SRGAP2: variants seen among roughly 807,000 people sequenced by gnomAD.
SRGAP2 encodes SLIT-ROBO Rho GTPase activating protein 2.
Under a neutral mutation model 57.2 loss-of-function variants are expected in SRGAP2, and 15 were observed. That is an observed-to-expected ratio of 0.26 (90% CI 0.18 to 0.40). The LOEUF is 0.40. Ranked by LOEUF, SRGAP2 falls within the 10% of genes least tolerant of loss-of-function variation. The pLI is 1.00. For missense variants in SRGAP2, 520 were observed against 669.6 expected (o/e 0.78, Z 2.47); for synonymous variants, 249 against 248.0 (o/e 1.00, Z -0.04).
intron 21 of SRGAP2, among the ~76,000 whole-genome samples, chr1:206,458,127 T>C (rs1279553776): frequency 6.6e-6 from 1 of 152,212 alleles, no homozygotes. Context: ...GCCTACAGAA[T>C]AAGCAACAAC....
intron 1 of SRGAP2, chr1:206,204,165 T>C: frequency 2.4e-6 from 1 of 408,340 alleles, no homozygotes; most frequent in Non-Finnish European, 4.2e-6. Flanking sequence ...CTCCCATCCC[T>C]AGACCACATC....
Position 206,232,243 on chromosome 1 carries a change from T to C in SRGAP2, c.67+26206T>C, listed in dbSNP as rs1469424120. Among the ~76,000 whole-genome samples, 6 of 152,292 alleles carry C rather than the reference T, an allele frequency of 3.9e-5. No individual in the cohort carries two copies. In the East Asian group the frequency reaches 7.7e-4, roughly 20 times the overall value. ...TGGAGAGGTGAGCAAGCAGATAGTC[T>C]GAAGCAAGTAGACAGAACACTCCAG... On this transcript the variant is annotated intron_variant, in intron 2 of 22. Coordinates refer to ENST00000573034, the MANE Select transcript of SRGAP2 (RefSeq NM_015326.5).
At chr1:206,309,327 G>C (rs1225223059) in intron 3 of SRGAP2, among the ~76,000 whole-genome samples, 7 of 152,078 alleles carry the variant, frequency 4.6e-5, no homozygotes, top group African/African-American at 1.4e-4. Context: ...ATAGCTCTTT[G>C]ATAGCAAGCA....
intron 19 of SRGAP2, 23 bp downstream of exon 19, chr1:206,450,488 C>A: frequency 2.6e-6 from 2 of 780,304 alleles, no homozygotes; most frequent in South Asian, 2.7e-5. Context: ...GCTTCCTGGT[C>A]AGTGGGGACG....
intron 17 of SRGAP2, among the ~76,000 whole-genome samples, chr1:206,442,346 T>C (rs548235123): frequency 6.6e-6 from 1 of 152,366 alleles, no homozygotes; most frequent in African/African-American, 2.4e-5. Flanking sequence ...CTGGAAACTC[T>C]GCTAATTACT....
intron 15 of SRGAP2, among the ~76,000 whole-genome samples, chr1:206,437,457 A>G (rs774167468): frequency 5.9e-5 from 9 of 152,256 alleles, no homozygotes; most frequent in Admixed American, 3.3e-4. Flanking sequence ...TAATGGATAT[A>G]TATAGTGTCA....
At chr1:206,240,361 TA>T (rs1412253048) in intron 2 of SRGAP2, among the ~76,000 whole-genome samples, 4 of 151,882 alleles carry the variant, frequency 2.6e-5, no homozygotes, top group Non-Finnish European at 5.9e-5. Flanking sequence ...AATTCTAGAC[TA>T]GGGGGAGAAT....
chr1:206,291,595 A>C (rs1671324013), intron 2 of SRGAP2, among the ~76,000 whole-genome samples: 1 of 151,094 alleles, frequency 6.6e-6, no homozygotes, highest in Non-Finnish European at 1.5e-5. Flanking sequence ...GCTGTGAACT[A>C]ATCTCCCTGG....
At chr1:206,410,860 A>T (rs1056211951) in intron 10 of SRGAP2, among the ~76,000 whole-genome samples, 2 of 152,092 alleles carry the variant, frequency 1.3e-5, no homozygotes, top group Admixed American at 1.3e-4. Context: ...TTTCCTAAGT[A>T]TTTCCTTTGT....
rs577791413 is a variant in SRGAP2, at chr1:206,440,553, CTT to C, written c.1874+484_1874+485del. Among the ~76,000 whole-genome samples the C allele has an allele frequency of 3.0e-4, 43 of 144,332 alleles. No individual in the cohort carries two copies. The South Asian group carries it at 8.4e-3, about 28-fold the overall frequency. 94.7% of individuals were successfully genotyped at this position (144,332 alleles called of 152,430 possible). ...ATTTGGGAAGCAATTAGAAGATTTT[CTT>C]TTTTTTTTTTTGAGACGGAGTCTTG... On this transcript the variant is annotated intron_variant, in intron 17 of 22. Transcript: ENST00000573034.
intron 13 of SRGAP2, among the ~76,000 whole-genome samples, chr1:206,423,770 C>G (rs1357957716): frequency 6.8e-6 from 1 of 146,024 alleles, no homozygotes; most frequent in Admixed American, 7.0e-5. Flanking sequence ...TTCTGGCCAC[C>G]TTTCTGATTT....
In SRGAP2 at chr1:206,315,145, GA is replaced by G. The variant is rs1325791810; in HGVS notation, c.260+11673del. 6.0e-5 allele frequency among the ~76,000 whole-genome samples: 9 copies of G among 149,196 alleles called. No homozygotes were observed. In the Admixed American group the frequency reaches 6.0e-4, roughly 10 times the overall value. The stretch of plus-strand genomic sequence containing the variant: ...TCTCTGTAGTTACATCACTACTGCG[GA>G]TGGGTTCCTCCCCTGGAGTTGAGTT... On this transcript the variant is annotated intron_variant, in intron 3 of 22. Coordinates refer to ENST00000573034, the MANE Select transcript of SRGAP2 (RefSeq NM_015326.5).
intron 4 of SRGAP2, among the ~76,000 whole-genome samples, chr1:206,347,802 C>G (rs1335027334): frequency 1.3e-5 from 2 of 148,718 alleles, no homozygotes; most frequent in African/African-American, 5.1e-5. Flanking sequence ...CATAAACCTT[C>G]AAAGGGTATG....
At chr1:206,289,274 T>G (rs1457111747) in intron 2 of SRGAP2, among the ~76,000 whole-genome samples, 2 of 118,414 alleles carry the variant, frequency 1.7e-5, no homozygotes, top group Non-Finnish European at 3.4e-5. Context: ...ATAAGGAGGT[T>G]TTTTTTTTTT....
Position 206,458,727 on chromosome 1 carries a change from C to T in SRGAP2, c.2612C>T (p.Ala871Val). Reference sequence around the variant, plus strand: ...GACTCCTCCTCCCCAGGGGTGGGGGCTAGCTGCCGCCCATCCTCCCAGCCC... The same window carrying T: ...GACTCCTCCTCCCCAGGGGTGGGGGTTAGCTGCCGCCCATCCTCCCAGCCC... The part of the protein sequence containing the change: ...LTDSSSPGVG[A>V]SCRPSSQPIM... The change falls in exon 22 of 23, where the codon GCT (alanine) becomes GTT (valine). Residue 871 changes from alanine (A) to valine (V), a missense_variant. Around this residue, in one of 5 missense-constraint regions of SRGAP2, gnomAD observed 478 missense variants for 373.6 expected, o/e 1.28. Coordinates refer to ENST00000573034, the MANE Select transcript of SRGAP2 (RefSeq NM_015326.5). 1 of 780,448 alleles carries T rather than the reference C, an allele frequency of 1.3e-6. No individual in the cohort carries two copies. The highest frequency in any genetic ancestry group is 2.4e-6 in the Non-Finnish European group (1 of 417,852). The allele number at this position is 780,448 out of a possible 1,614,324, so 48.3% of individuals were successfully genotyped here.
intron 10 of SRGAP2, among the ~76,000 whole-genome samples, chr1:206,415,209 A>C (rs1297208280): frequency 6.6e-6 from 1 of 152,202 alleles, no homozygotes; most frequent in African/African-American, 2.4e-5. Flanking sequence ...CAAATCTGAA[A>C]GTGCAGCACA....
chr1:206,319,492 C>G (rs1673315891), intron 3 of SRGAP2, among the ~76,000 whole-genome samples: 1 of 148,768 alleles, frequency 6.7e-6, no homozygotes, highest in African/African-American at 2.5e-5. Flanking sequence ...TTCTTGATCC[C>G]CATCCCCTAG....
intron 4 of SRGAP2, among the ~76,000 whole-genome samples, chr1:206,376,298 A>T (rs1418157807): frequency 6.7e-5 from 10 of 149,950 alleles, no homozygotes; most frequent in Non-Finnish European, 1.0e-4. Context: ...AGAGTCATTT[A>T]GTTCTTACTG....
chr1:206,424,522 G>A (rs1660622463), intron 13 of SRGAP2, among the ~76,000 whole-genome samples: 1 of 152,212 alleles, frequency 6.6e-6, no homozygotes, highest in African/African-American at 2.4e-5. Flanking sequence ...AGCCATGGTA[G>A]TGGGCACCTG....
Sources: allele counts gnomAD v4.1 joint callset (sites outside exome capture counted in the v4.1 genomes callset), GRCh38; gene constraint gnomAD v4.1.1; regional missense constraint gnomAD v4.1.1; transcripts MANE v1.5; gene names NCBI Gene and HGNC (gene_info 2026-07-23, HGNC 2026-07-21).